TMEM131: variants seen among roughly 807,000 people sequenced by gnomAD.
The protein encoded by TMEM131 is transmembrane protein 131.
Under a neutral mutation model 211.6 loss-of-function variants are expected in TMEM131, and 66 were observed. The observed-to-expected ratio is 0.31, with a 90% CI of 0.26 to 0.38. TMEM131 has a LOEUF of 0.38. TMEM131 is among the 10% of genes least tolerant of loss of function. The pLI is 1.00. For synonymous variants in TMEM131, 844 were observed against 841.3 expected, an observed-to-expected ratio of 1.00 and a Z score of -0.06; for missense variants, 2,036 against 2,299.3, an observed-to-expected ratio of 0.89 and a Z score of 2.34.
intron 5 of TMEM131, among the ~76,000 whole-genome samples, chr2:97,858,578 G>A (rs1031627869): frequency 3.3e-5 from 5 of 152,174 alleles, no homozygotes; most frequent in African/African-American, 9.7e-5. Context: ...AGACTATCCA[G>A]AGAGTCCTGA....
At chr2:97,783,593 A>G (rs944438984) in intron 31 of TMEM131, among the ~76,000 whole-genome samples, 4 of 152,126 alleles carry the variant, frequency 2.6e-5, no homozygotes, top group Non-Finnish European at 5.9e-5. Flanking sequence ...AGTTATGTAC[A>G]TATAATGTAT....
chr2:97,943,756 A>C (rs923580715), intron 1 of TMEM131, among the ~76,000 whole-genome samples: 2 of 152,218 alleles, frequency 1.3e-5, no homozygotes, highest in African/African-American at 4.8e-5. Context: ...ACAAAGGTAT[A>C]TTAATCAAGA....
chr2:97,787,441 A>G (rs1470108201), intron 31 of TMEM131, among the ~76,000 whole-genome samples: 1 of 152,176 alleles, frequency 6.6e-6, no homozygotes, highest in Admixed American at 6.5e-5. Context: ...TCTCTGGACA[A>G]CCTCCAGAGA....
At chr2:97,851,813 CAAGCTTCCCTATTCCT>C (rs1673638036) in intron 5 of TMEM131, among the ~76,000 whole-genome samples, 1 of 152,204 alleles carries the variant, frequency 6.6e-6, no homozygotes, top group African/African-American at 2.4e-5. Flanking sequence ...TTCCTCTCCT[CAAGCTTCCCTATTCCT>C]AAGATACAAT....
At chr2:97,978,462 G>A (rs1033350346) in intron 1 of TMEM131, among the ~76,000 whole-genome samples, 12 of 152,250 alleles carry the variant, frequency 7.9e-5, no homozygotes, top group African/African-American at 2.9e-4. Context: ...AGTGCTTACT[G>A]CAGCCTTGAC....
intron 19 of TMEM131, 83 bp from the exon 20 acceptor site, chr2:97,805,786 A>T: frequency 7.9e-7 from 1 of 1,262,680 alleles, no homozygotes; most frequent in Non-Finnish European, 1.1e-6. Flanking sequence ...AGACAAGCAT[A>T]CTTCTAGGAA....
rs1172970359 is a variant in TMEM131 at position 97,815,264 on chromosome 2, T to C, written c.1227A>G (p.Thr409=). 3 of 1,574,758 alleles carry C rather than the reference T, an allele frequency of 1.9e-6. No homozygotes were observed. The East Asian group carries it at 7.0e-5, about 37-fold the overall frequency. The part of the protein sequence containing the change: ...KKPSQFSGKI[T]VKAKEKSYSK... Reference sequence around the variant, plus strand: ...AATAACTCTTTTCCTTTGCTTTAACTGTTATTTTCCCAGAAAACTGAGATG... The same window carrying C: ...AATAACTCTTTTCCTTTGCTTTAACCGTTATTTTCCCAGAAAACTGAGATG... Residue 409 remains threonine, a synonymous_variant, in exon 13 of 41, where the codon ACA becomes ACG. Coordinates refer to ENST00000186436, the MANE Select transcript of TMEM131 (RefSeq NM_015348.2).
intron 32 of TMEM131, among the ~76,000 whole-genome samples, chr2:97,775,344 C>G (rs1037031534): frequency 6.6e-6 from 1 of 152,170 alleles, no homozygotes; most frequent in Non-Finnish European, 1.5e-5. Context: ...TGGGGTCTTT[C>G]CTGGGGCCAC....
At chr2:97,828,174 C>T (rs1682490330) in intron 11 of TMEM131, among the ~76,000 whole-genome samples, 1 of 152,100 alleles carries the variant, frequency 6.6e-6, no homozygotes, top group Admixed American at 6.5e-5. Flanking sequence ...GATACTGGTA[C>T]TTGATAGCCT....
intron 30 of TMEM131, 130 bp downstream of exon 30, chr2:97,793,265 T>G: frequency 2.2e-6 from 2 of 908,468 alleles, no homozygotes; most frequent in Non-Finnish European, 1.6e-6. Flanking sequence ...CCATACAGGG[T>G]GTTATTAAGT....
chr2:97,995,401 C>A (rs1680453848), intron 1 of TMEM131, 75 bp downstream of exon 1: 1 of 1,266,350 alleles, frequency 7.9e-7, no homozygotes, highest in Non-Finnish European at 1.0e-6. Flanking sequence ...GCCCTTCCTC[C>A]CGGCCCAGCC....
chr2:97,975,310 A>C (rs1210743850), intron 1 of TMEM131, among the ~76,000 whole-genome samples: 1 of 152,162 alleles, frequency 6.6e-6, no homozygotes, highest in East Asian at 1.9e-4. Context: ...AGACAAATAC[A>C]AACATATACA....
At chr2:97,973,191 A>G (rs11898394) in intron 1 of TMEM131, among the ~76,000 whole-genome samples, 3,831 of 152,348 alleles carry the variant, frequency 0.025, 167 homozygotes, top group African/African-American at 0.088. Flanking sequence ...GTTTAGGAAT[A>G]ACATCTGAAA....
At chr2:97,893,422 G>A (rs1353809891) in intron 3 of TMEM131, among the ~76,000 whole-genome samples, 1 of 152,184 alleles carries the variant, frequency 6.6e-6, no homozygotes, top group Non-Finnish European at 1.5e-5. Context: ...TGGGATTGCT[G>A]GGTCAAATGG....
chr2:97,875,043 G>GA (rs1317085210), intron 4 of TMEM131, among the ~76,000 whole-genome samples: 1 of 151,630 alleles, frequency 6.6e-6, no homozygotes, highest in Non-Finnish European at 1.5e-5. Context: ...AAATGGAAAT[G>GA]AAAAAAAGCA....
chr2:97,863,890 A>T (rs1217272631), intron 4 of TMEM131, among the ~76,000 whole-genome samples: 1 of 152,176 alleles, frequency 6.6e-6, no homozygotes, highest in Admixed American at 6.5e-5. Context: ...ACCCAAAATA[A>T]AGGAAATCAG....
At position 97,995,935 on chromosome 2, in the gene TMEM131, C is replaced by A; in HGVS notation, c.-273G>T. ...GGCGGGCGGCCATACTGGAAACGGG[C>A]ACGGCCCGCGAGCCCTGAGCGCTGG... On this transcript the variant is annotated 5_prime_UTR_variant, in exon 1 of 41. Coordinates refer to ENST00000186436, the MANE Select transcript of TMEM131 (RefSeq NM_015348.2). 1 of 192,156 alleles carries A rather than the reference C, an allele frequency of 5.2e-6. No individual in the cohort carries two copies. Among genetic ancestry groups the A allele is most frequent in the Non-Finnish European group, 1.1e-5 (1 of 94,766 alleles). The allele number at this position is 192,156 out of a possible 1,614,324, so 11.9% of individuals were successfully genotyped here. A position where few individuals can be genotyped will look rare whatever the true frequency, so the allele number is the denominator to read the frequency against.
At chr2:97,808,585 T>C (rs1681413822) in intron 19 of TMEM131, among the ~76,000 whole-genome samples, 1 of 152,198 alleles carries the variant, frequency 6.6e-6, no homozygotes, top group South Asian at 2.1e-4. Flanking sequence ...ATGATTCACC[T>C]GCAATGTCTC....
At chr2:97,885,796 C>T (rs1019778757) in intron 4 of TMEM131, among the ~76,000 whole-genome samples, 1 of 152,172 alleles carries the variant, frequency 6.6e-6, no homozygotes, top group East Asian at 1.9e-4. Context: ...TTTGAGTTTA[C>T]TGGACCTGGA....
Sources: gnomAD v4.1 joint callset for allele counts (sites outside exome capture counted in the v4.1 genomes callset) on GRCh38, gnomAD v4.1.1 for gene constraint, MANE v1.5 for transcripts, NCBI Gene and HGNC (gene_info 2026-07-23, HGNC 2026-07-21) for gene names.